KATNA1: variants seen among roughly 807,000 people sequenced by gnomAD.
The protein encoded by KATNA1 is katanin p60 ATPase-containing subunit A1.
Under a neutral mutation model 62.6 loss-of-function variants are expected in KATNA1, and 42 were observed. That is an observed-to-expected ratio of 0.67 (90% CI 0.52 to 0.87). The LOEUF is 0.87. Ranked by LOEUF, KATNA1 falls within the 40% of genes least tolerant of loss-of-function variation. The pLI, the probability that KATNA1 is intolerant of heterozygous loss-of-function variation, is 0.00. For synonymous variants in KATNA1, 186 were observed against 201.9 expected, an observed-to-expected ratio of 0.92 and a Z score of 0.67; for missense variants, 498 against 612.5, an observed-to-expected ratio of 0.81 and a Z score of 1.97.
chr6:149,603,209 C>G (rs2115085271), intron 6 of KATNA1, 59 bp downstream of exon 6: 1 of 695,244 alleles, frequency 1.4e-6, no homozygotes, highest in Non-Finnish European at 2.5e-6. Flanking sequence ...TAAATATTGG[C>G]TCTCTGTATC....
chr6:149,603,495 G>A, intron 5 of KATNA1, 122 bp from the exon 6 acceptor site: 1 of 538,006 alleles, frequency 1.9e-6, no homozygotes, highest in Admixed American at 3.6e-5. Context: ...CTCTCTCTGA[G>A]CCCGGGTGAA....
chr6:149,621,840 G>A (rs1017309662), intron 4 of KATNA1, among the ~76,000 whole-genome samples: 3 of 152,098 alleles, frequency 2.0e-5, no homozygotes, highest in African/African-American at 7.2e-5. Context: ...GAAGTATCAG[G>A]CAAGCCCAAA....
intron 4 of KATNA1, among the ~76,000 whole-genome samples, chr6:149,605,368 C>T (rs1158333199): frequency 6.6e-6 from 1 of 152,104 alleles, no homozygotes; most frequent in Non-Finnish European, 1.5e-5. Flanking sequence ...ATCAGATATA[C>T]ACAAAATGTA....
At position 149,602,573 on chromosome 6, in the gene KATNA1, T is replaced by C. The variant is rs977316736; in HGVS notation, c.729+695A>G. ...ATGACTTTAAAAAGTATTTATCACA[T>C]GCAGATATTTCTCATTAATTTATTG... On this transcript the variant is annotated intron_variant, in intron 6 of 10. Coordinates refer to ENST00000367411, the MANE Select transcript of KATNA1 (RefSeq NM_007044.4). Among the ~76,000 whole-genome samples the C allele has an allele frequency of 5.9e-5, 9 of 152,180 alleles. 1 individual carries two copies.
chr6:149,618,269 G>C (rs1779257769), intron 4 of KATNA1, among the ~76,000 whole-genome samples: 1 of 151,644 alleles, frequency 6.6e-6, no homozygotes. Context: ...CCTGAGGTCA[G>C]GAGTTCAAGA....
At chr6:149,613,715 A>G (rs1221594398) in intron 4 of KATNA1, among the ~76,000 whole-genome samples, 1 of 152,146 alleles carries the variant, frequency 6.6e-6, no homozygotes, top group Non-Finnish European at 1.5e-5. Flanking sequence ...CTGGATAGTA[A>G]ATGACAAATT....
At chr6:149,620,874 C>A (rs897860567) in intron 4 of KATNA1, among the ~76,000 whole-genome samples, 10 of 152,172 alleles carry the variant, frequency 6.6e-5, no homozygotes, top group African/African-American at 2.4e-4. Flanking sequence ...AGAAGCAACA[C>A]TGGCATTAGA....
chr6:149,613,205 A>AAT (rs1779030494), intron 4 of KATNA1, among the ~76,000 whole-genome samples: 1 of 140,764 alleles, frequency 7.1e-6, no homozygotes, highest in African/African-American at 2.8e-5. Context: ...AAAAAAAAAA[A>AAT]AAAAAAAAAA....
intron 4 of KATNA1, among the ~76,000 whole-genome samples, chr6:149,621,789 G>A (rs1239829185): frequency 2.7e-5 from 4 of 150,742 alleles, no homozygotes; most frequent in Admixed American, 6.6e-5. Flanking sequence ...CACCATGCCC[G>A]GCCAAAAAAA....
chr6:149,627,443 G>A (rs1473200448), intron 3 of KATNA1, among the ~76,000 whole-genome samples: 1 of 148,874 alleles, frequency 6.7e-6, no homozygotes, highest in Non-Finnish European at 1.5e-5. Context: ...GTGCATGCCT[G>A]TAATCCCAGC....
Position 149,598,217 on chromosome 6 carries a change from C to CA in KATNA1, c.1015+6dup. On this transcript the variant is annotated splice_region_variant and intron_variant, in intron 8 of 10. Transcript: ENST00000367411. ...GTCCCTGTTCAACTCAAGCTAAACA[C>CA]AGATACCATCCATCTGAACCAGCAG... 1 of 1,613,734 alleles carries CA rather than the reference C, an allele frequency of 6.2e-7. No homozygotes were observed. The highest frequency in any genetic ancestry group is 8.5e-7 in the Non-Finnish European group (1 of 1,179,876).
At chr6:149,617,931 T>C (rs569103030) in intron 4 of KATNA1, among the ~76,000 whole-genome samples, 2 of 146,020 alleles carry the variant, frequency 1.4e-5, no homozygotes, top group African/African-American at 5.1e-5. Context: ...GTGAAACTCT[T>C]GTCTCCAAAA....
At chr6:149,624,374 C>T (rs372895616) in intron 3 of KATNA1, among the ~76,000 whole-genome samples, 5 of 152,150 alleles carry the variant, frequency 3.3e-5, no homozygotes, top group African/African-American at 4.8e-5. Context: ...CAGTGCTTTA[C>T]ATTTACATAC....
intron 3 of KATNA1, among the ~76,000 whole-genome samples, chr6:149,632,550 T>C (rs1395695098): frequency 1.3e-5 from 2 of 152,166 alleles, no homozygotes; most frequent in African/African-American, 4.8e-5. Flanking sequence ...CACAAAAGCA[T>C]ATTTTTAAAT....
intron 4 of KATNA1, among the ~76,000 whole-genome samples, chr6:149,611,607 C>G (rs1228855316): frequency 3.3e-5 from 5 of 151,336 alleles, no homozygotes; most frequent in Non-Finnish European, 7.4e-5. Context: ...ATTGACAAAC[C>G]TCTAGCAATA....
At chr6:149,639,193 G>T (rs1485021518) in intron 1 of KATNA1, among the ~76,000 whole-genome samples, 1 of 152,052 alleles carries the variant, frequency 6.6e-6, no homozygotes, top group African/African-American at 2.4e-5. Context: ...CAGCTACTTG[G>T]GAGGCTGAGA....
chr6:149,602,510 A>G (rs1312135368), intron 6 of KATNA1, among the ~76,000 whole-genome samples: 1 of 152,148 alleles, frequency 6.6e-6, no homozygotes, highest in Admixed American at 6.6e-5. Context: ...TCCAAATCCA[A>G]GAAAAGCTTT....
chr6:149,636,493 A>T (rs1403321928), intron 2 of KATNA1, among the ~76,000 whole-genome samples: 1 of 152,172 alleles, frequency 6.6e-6, no homozygotes, highest in Non-Finnish European at 1.5e-5. Flanking sequence ...ATATGGAGGG[A>T]CAGATATAGG....
Position 149,603,289 on chromosome 6 carries a change from C to T in KATNA1, c.708G>A (p.Lys236=), listed in dbSNP as rs1250564677. The T allele has an allele frequency of 6.4e-7, 1 of 1,572,930 alleles. No individual in the cohort carries two copies. The highest frequency in any genetic ancestry group is 2.3e-5 in the East Asian group (1 of 44,016). The part of the protein sequence containing the change: ...VLPMWMPEFF[K]GIRRPWKGVL... ...TTACTTTCCATGGTCTCCTAATGCCCTTAAAGAATTCGGGCATCCACATTG... is the reference window on the plus strand; with the variant it reads ...TTACTTTCCATGGTCTCCTAATGCCTTTAAAGAATTCGGGCATCCACATTG... The change falls in exon 6 of 11, where the codon AAG becomes AAA. Residue 236 remains lysine (K), a synonymous_variant. Coordinates refer to ENST00000367411, the MANE Select transcript of KATNA1 (RefSeq NM_007044.4).
Sources: gnomAD v4.1 joint callset for allele counts (sites outside exome capture counted in the v4.1 genomes callset) on GRCh38, gnomAD v4.1.1 for gene constraint, MANE v1.5 for transcripts, NCBI Gene and HGNC (gene_info 2026-07-23, HGNC 2026-07-21) for gene names.